Variants in PCSK6 observed in about 807,000 individuals in gnomAD.
PCSK6 encodes proprotein convertase subtilisin/kexin type 6, also known as paired basic amino acid cleaving enzyme 4.
Under a neutral mutation model 123.3 loss-of-function variants are expected in PCSK6, and 85 were observed. The observed-to-expected ratio is 0.69, with a 90% CI of 0.58 to 0.83. PCSK6 has a LOEUF of 0.83. Ranked by LOEUF, PCSK6 falls within the 40% of genes least tolerant of loss-of-function variation. The pLI is 0.00. For synonymous variants in PCSK6, 508 were observed against 516.0 expected (o/e 0.98, Z 0.21); for missense variants, 1,191 against 1,282.3 (o/e 0.93, Z 1.09).
intron 9 of PCSK6, 47 bp downstream of exon 9, chr15:101,389,417 C>G (rs774328192): frequency 7.0e-7 from 1 of 1,421,872 alleles, no homozygotes; most frequent in Non-Finnish European, 9.7e-7. Flanking sequence ...TATTTTACCA[C>G]AATCTAAACA....
intron 9 of PCSK6, among the ~76,000 whole-genome samples, chr15:101,387,060 TCTC>T (rs2042085086): frequency 6.6e-6 from 1 of 152,216 alleles, no homozygotes; most frequent in Admixed American, 6.5e-5. Flanking sequence ...TCCCCTGACT[TCTC>T]CAATGTGTTC....
intron 11 of PCSK6, among the ~76,000 whole-genome samples, chr15:101,371,026 C>T (rs534386520): frequency 1.3e-3 from 195 of 152,226 alleles, no homozygotes; most frequent in African/African-American, 4.4e-3. Flanking sequence ...CTGGCCAATA[C>T]GGTGAAACCC....
At chr15:101,346,311 A>C (rs2040727447) in intron 13 of PCSK6, 1 of 152,316 alleles carries the variant, frequency 6.6e-6, no homozygotes, top group African/African-American at 2.4e-5. Context: ...GTCCAACAAT[A>C]GAGAGATGCT....
Position 101,364,988 on chromosome 15 carries a change from T to A in PCSK6, c.1858+1208A>T, listed in dbSNP as rs748210620. The stretch of plus-strand genomic sequence containing the variant: ...GACCAATGGAACAGAATCGAGAGTG[T>A]GGAAACGAACCTCTCTTCTGTGGTC... On this transcript the variant is annotated intron_variant, in intron 13 of 21. Transcript: ENST00000611716. 50 of 778,604 alleles carry A rather than the reference T, an allele frequency of 6.4e-5. 1 individual carries two copies. Among genetic ancestry groups the A allele is most frequent in the South Asian group, 6.3e-4 (47 of 74,338 alleles). 48.2% of individuals were successfully genotyped at this position (778,604 alleles called of 1,614,324 possible). A position where few individuals can be genotyped will look rare whatever the true frequency, so the allele number is the denominator to read the frequency against.
rs559981402 is a variant in PCSK6 at position 101,326,368 on chromosome 15, A to G, written c.2180+9T>C. The G allele has an allele frequency of 1.2e-4, 186 of 1,560,924 alleles. 1 individual carries two copies. In the South Asian group the frequency reaches 2.2e-3, roughly 18 times the overall value. On this transcript the variant is annotated intron_variant, in intron 16 of 21. Coordinates refer to ENST00000611716, the MANE Select transcript of PCSK6 (RefSeq NM_002570.5). Reference sequence around the variant, plus strand: ...GTGGTGAGCCACAGGGCTGCGGGACATGCATTACCTGCTGGTCTTGACACT... The same window carrying G: ...GTGGTGAGCCACAGGGCTGCGGGACGTGCATTACCTGCTGGTCTTGACACT...
chr15:101,414,754 A>G (rs2055827348), intron 6 of PCSK6, among the ~76,000 whole-genome samples: 1 of 152,030 alleles, frequency 6.6e-6, no homozygotes, highest in South Asian at 2.1e-4. Flanking sequence ...ATGGACGGAC[A>G]GATGGATGGA....
intron 13 of PCSK6, among the ~76,000 whole-genome samples, chr15:101,348,748 C>G (rs2040813365): frequency 6.6e-6 from 1 of 152,168 alleles, no homozygotes; most frequent in Admixed American, 6.5e-5. Context: ...CGTGCAGAAA[C>G]AGAGACTGAG....
rs769137564 is a variant in PCSK6, at chr15:101,326,427, G to T, written c.2130C>A (p.Asp710Glu). The change falls in exon 16 of 22, where the codon GAC becomes GAA. Residue 710 changes from aspartate to glutamate, a missense_variant. This residue lies in a region of PCSK6 where 630 missense variants were observed against 631.4 expected (regional missense o/e 1.00). Transcript: ENST00000611716. ...GDKGCDGPNADQCLNCVHFSL... is the reference protein window; with the variant it reads ...GDKGCDGPNAEQCLNCVHFSL... The stretch of plus-strand genomic sequence containing the variant: ...TGAAGTGGACGCAGTTCAAGCACTG[G>T]TCTGCATTGGGGCCATCACAGCCTT... 4.4e-6 allele frequency: 7 copies of T among 1,586,626 alleles called. No individual in the cohort carries two copies. In the South Asian group the frequency reaches 8.1e-5, roughly 18 times the overall value.
chr15:101,313,653 C>G (rs2039923304), intron 19 of PCSK6, 148 bp from the exon 20 acceptor site: 1 of 1,208,116 alleles, frequency 8.3e-7, no homozygotes, highest in African/African-American at 1.5e-5. Context: ...GTTCTGTGAG[C>G]TGGGCCGTCC....
At chr15:101,486,560 T>C (rs539933308) in intron 1 of PCSK6, among the ~76,000 whole-genome samples, 148 of 152,284 alleles carry the variant, frequency 9.7e-4, no homozygotes, top group Middle Eastern at 6.8e-3. Context: ...CCTGGACTGA[T>C]GAGTAGAGGG....
intron 1 of PCSK6, among the ~76,000 whole-genome samples, chr15:101,488,495 C>T (rs2058074084): frequency 6.6e-6 from 1 of 152,258 alleles, no homozygotes; most frequent in African/African-American, 2.4e-5. Flanking sequence ...CCGAGGGCTG[C>T]GGGGCTGGGA....
chr15:101,442,512 G>A (rs778965754), intron 2 of PCSK6, among the ~76,000 whole-genome samples: 43 of 152,028 alleles, frequency 2.8e-4, no homozygotes, highest in Non-Finnish European at 5.0e-4. Flanking sequence ...CAGAGATAAC[G>A]CGTCTCTCCA....
chr15:101,460,318 C>G (rs2057312674), intron 1 of PCSK6, among the ~76,000 whole-genome samples: 1 of 152,194 alleles, frequency 6.6e-6, no homozygotes, highest in Admixed American at 6.5e-5. Context: ...TTCGAGATGC[C>G]ACACCATTCC....
intron 13 of PCSK6, among the ~76,000 whole-genome samples, chr15:101,358,030 C>G (rs777615603): frequency 6.6e-6 from 1 of 152,188 alleles, no homozygotes; most frequent in East Asian, 1.9e-4. Context: ...GGAGTTAGGG[C>G]AGGTCATCGC....
At chr15:101,378,561 C>T (rs2041818081) in intron 11 of PCSK6, among the ~76,000 whole-genome samples, 1 of 152,246 alleles carries the variant, frequency 6.6e-6, no homozygotes, top group African/African-American at 2.4e-5. Context: ...TTCTGGGGCT[C>T]AGACTGCTCT....
At chr15:101,454,623 A>G (rs1596350929) in intron 1 of PCSK6, among the ~76,000 whole-genome samples, 1 of 151,930 alleles carries the variant, frequency 6.6e-6, no homozygotes, top group Non-Finnish European at 1.5e-5. Context: ...GGGAGGGAGG[A>G]GTGGGGAGTT....
intron 2 of PCSK6, among the ~76,000 whole-genome samples, chr15:101,438,546 G>A (rs2056667024): frequency 1.3e-5 from 2 of 152,192 alleles, no homozygotes; most frequent in Non-Finnish European, 2.9e-5. Flanking sequence ...GGCAAGAGAT[G>A]GGCTTGCATG....
At chr15:101,396,182 C>T (rs540032329) in intron 7 of PCSK6, among the ~76,000 whole-genome samples, 4 of 152,270 alleles carry the variant, frequency 2.6e-5, no homozygotes, top group South Asian at 4.2e-4. Context: ...CAGTATTTCA[C>T]AAAACTGTGA....
At chr15:101,467,519 T>C (rs10902597) in intron 1 of PCSK6, among the ~76,000 whole-genome samples, 126,888 of 152,028 alleles carry the variant, frequency 0.83, 53,452 homozygotes, top group African/African-American at 0.91. Context: ...GTGATCCACC[T>C]GCCTCAGCCT....
Sources: gnomAD v4.1 joint callset for allele counts (sites outside exome capture counted in the v4.1 genomes callset) on GRCh38, gnomAD v4.1.1 for gene constraint, gnomAD v4.1.1 regional missense constraint, MANE v1.5 for transcripts, NCBI Gene and HGNC (gene_info 2026-07-23, HGNC 2026-07-21) for gene names.